Variants in JAM2 observed in about 807,000 individuals in gnomAD.
JAM2 encodes the protein junctional adhesion molecule B.
JAM2 carries 17 observed loss-of-function variants against 42.0 expected under a neutral mutation model. That is an observed-to-expected ratio of 0.40 (90% confidence interval 0.28 to 0.61). The LOEUF (loss-of-function observed/expected upper bound fraction) is 0.61, where lower values mean the gene tolerates loss of function less well. JAM2 is among the 20% of genes least tolerant of loss of function. The pLI is 0.37. For synonymous variants in JAM2, 118 were observed against 128.6 expected (o/e 0.92, Z 0.56); for missense variants, 319 against 358.3 (o/e 0.89, Z 0.89).
At chr21:25,687,669 A>G (rs2033780091) in intron 2 of JAM2, among the ~76,000 whole-genome samples, 1 of 152,220 alleles carries the variant, frequency 6.6e-6, no homozygotes, top group African/African-American at 2.4e-5. Flanking sequence ...ATGGTTCTGG[A>G]GGCTAGAAGT....
chr21:25,709,645 G>A (rs1016068909), intron 8 of JAM2, 196 bp downstream of exon 8: 2 of 408,508 alleles, frequency 4.9e-6, no homozygotes, highest in Non-Finnish European at 9.0e-6. Flanking sequence ...CCGAGACTGG[G>A]TAGTTTATTG....
chr21:25,666,295 A>C (rs1354107037), intron 1 of JAM2, among the ~76,000 whole-genome samples: 8 of 119,274 alleles, frequency 6.7e-5, no homozygotes, highest in Non-Finnish European at 6.7e-5. Context: ...GAGATTTTTA[A>C]AAATTACATT....
At position 25,706,116 on chromosome 21, in the gene JAM2, T is replaced by A. The variant is rs2829870; in HGVS notation, c.805+30T>A. The A allele has an allele frequency of 0.1, 133,826 of 1,312,616 alleles. 8,221 individuals are homozygous for A. The highest frequency in any genetic ancestry group is 0.27 in the African/African-American group (18,728 of 69,486). The allele number at this position is 1,312,616 out of a possible 1,614,324, so 81.3% of individuals were successfully genotyped here. A position where few individuals can be genotyped will look rare whatever the true frequency, so the allele number is the denominator to read the frequency against. The stretch of plus-strand genomic sequence containing the variant: ...GTGAATTTCACCCTTCTTTGGCAGA[T>A]AACTTTCTATGGCTATGGAGTTTAT... On this transcript the variant is annotated intron_variant, in intron 7 of 9. Transcript: ENST00000480456.
rs1424945011 is a variant in JAM2 at position 25,715,378 on chromosome 21, T to G, written c.*706T>G. The stretch of plus-strand genomic sequence containing the variant: ...GTCAAACACAAACCCAAGTGGCTTA[T>G]TTCACCCCTACTGCTGCTTGCCACT... On this transcript the variant is annotated 3_prime_UTR_variant, in exon 10 of 10. Coordinates refer to ENST00000480456, the MANE Select transcript of JAM2 (RefSeq NM_021219.4). The G allele has an allele frequency of 6.6e-6, 1 of 152,244 alleles. No homozygotes were observed. Among genetic ancestry groups the G allele is most frequent in the Non-Finnish European group, 1.5e-5 (1 of 68,046 alleles). 9.4% of individuals were successfully genotyped at this position (152,244 alleles called of 1,614,324 possible).
At chr21:25,695,963 G>A (rs1270234670) in intron 4 of JAM2, among the ~76,000 whole-genome samples, 2 of 152,138 alleles carry the variant, frequency 1.3e-5, no homozygotes, top group Non-Finnish European at 2.9e-5. Context: ...AGGCAGAGAC[G>A]CTCCTCACTT....
intron 1 of JAM2, among the ~76,000 whole-genome samples, chr21:25,678,001 A>C (rs1441068069): frequency 6.6e-6 from 1 of 152,154 alleles, no homozygotes; most frequent in African/African-American, 2.4e-5. Flanking sequence ...TGGCAGGCCG[A>C]GGCAGGTGGA....
chr21:25,674,965 G>T (rs1243427848), intron 1 of JAM2, among the ~76,000 whole-genome samples: 1 of 151,950 alleles, frequency 6.6e-6, no homozygotes, highest in Non-Finnish European at 1.5e-5. Flanking sequence ...GTGCTAATCT[G>T]TTCTCCCACT....
In JAM2 at chr21:25,639,968, G is replaced by A. The variant is rs2032383763; in HGVS notation, c.67+80G>A. 1.9e-6 allele frequency: 2 copies of A among 1,059,742 alleles called. 1 individual carries two copies. Among genetic ancestry groups the A allele is most frequent in the South Asian group, 3.0e-5 (2 of 65,850 alleles). 65.6% of individuals were successfully genotyped at this position (1,059,742 alleles called of 1,614,324 possible). A position where few individuals can be genotyped will look rare whatever the true frequency, so the allele number is the denominator to read the frequency against. On this transcript the variant is annotated intron_variant, in intron 1 of 9. Transcript: ENST00000480456. The stretch of plus-strand genomic sequence containing the variant: ...TCCAGCCCCCCACGGGGCGCTGGCT[G>A]ACAGTGTCTGGGCGGCTCTGGGCCG...
intron 1 of JAM2, among the ~76,000 whole-genome samples, chr21:25,660,184 G>A (rs1022715387): frequency 2.6e-5 from 4 of 152,214 alleles, no homozygotes; most frequent in Admixed American, 2.0e-4. Context: ...GCCTCCCAAA[G>A]CCTGGGATTA....
At chr21:25,689,733 A>G (rs2033834142) in intron 2 of JAM2, 133 bp from the exon 3 acceptor site, 1 of 601,366 alleles carries the variant, frequency 1.7e-6, no homozygotes, top group African/African-American at 1.9e-5. Flanking sequence ...CTGTTGATGT[A>G]ATTTATGAAT....
chr21:25,645,255 A>C (rs1377226927), intron 1 of JAM2, among the ~76,000 whole-genome samples: 1 of 152,102 alleles, frequency 6.6e-6, no homozygotes, highest in Non-Finnish European at 1.5e-5. Flanking sequence ...CCAATGCAGC[A>C]CTCTGTGCTC....
In JAM2 at chr21:25,712,383, G is replaced by A. The variant is rs1203320842; in HGVS notation, c.864+1G>A. On this transcript the variant is annotated splice_donor_variant, in intron 9 of 9. Transcript: ENST00000480456. LOFTEE classifies it high-confidence loss of function. ...TAAAGCCACGACAATGAGTGAAAAT[G>A]TGAGTATCTTTAAAGCATATTTATA... 1.9e-6 allele frequency: 3 copies of A among 1,585,538 alleles called. No homozygotes were observed. Among genetic ancestry groups the A allele is most frequent in the Non-Finnish European group, 2.6e-6 (3 of 1,155,002 alleles).
chr21:25,668,504 T>C (rs2033277964), intron 1 of JAM2, among the ~76,000 whole-genome samples: 1 of 152,180 alleles, frequency 6.6e-6, no homozygotes, highest in South Asian at 2.1e-4. Flanking sequence ...TGAATAGGAA[T>C]GGGCTGTGAT....
chr21:25,712,316 T>C, intron 8 of JAM2, 24 bp from the exon 9 acceptor site: 1 of 1,522,808 alleles, frequency 6.6e-7, no homozygotes, highest in Non-Finnish European at 9.1e-7. Context: ...GTAGTAAATA[T>C]TGTCTTTTAT....
At chr21:25,672,815 A>C (rs2033392985) in intron 1 of JAM2, among the ~76,000 whole-genome samples, 1 of 152,152 alleles carries the variant, frequency 6.6e-6, no homozygotes, top group African/African-American at 2.4e-5. Flanking sequence ...TTCTTCTACT[A>C]TCCACTAATG....
chr21:25,695,981 G>T (rs900284375), intron 4 of JAM2, among the ~76,000 whole-genome samples: 2 of 152,178 alleles, frequency 1.3e-5, no homozygotes, highest in African/African-American at 4.8e-5. Context: ...CTTCCCAGAC[G>T]GGGTGGCGGC....
intron 1 of JAM2, among the ~76,000 whole-genome samples, chr21:25,671,514 T>C (rs2033361230): frequency 6.6e-6 from 1 of 152,088 alleles, no homozygotes; most frequent in Admixed American, 6.5e-5. Flanking sequence ...TCTTTATTTT[T>C]TTTTTCTTTG....
At chr21:25,660,585 T>C (rs2033052894) in intron 1 of JAM2, among the ~76,000 whole-genome samples, 1 of 151,626 alleles carries the variant, frequency 6.6e-6, no homozygotes, top group Non-Finnish European at 1.5e-5. Context: ...CCTGAGTCCC[T>C]CATTTTTCAT....
chr21:25,668,767 G>T (rs753048142), intron 1 of JAM2, among the ~76,000 whole-genome samples: 1 of 152,166 alleles, frequency 6.6e-6, no homozygotes, highest in Non-Finnish European at 1.5e-5. Flanking sequence ...CAGGAATCTG[G>T]ATCACATCAT....
Sources: gnomAD v4.1 joint callset for allele counts (sites outside exome capture counted in the v4.1 genomes callset) on GRCh38, gnomAD v4.1.1 for gene constraint, MANE v1.5 for transcripts, NCBI Gene and HGNC (gene_info 2026-07-23, HGNC 2026-07-21) for gene names.